The following PCNX1 variants were observed in gnomAD, a reference collection of about 807,000 sequenced individuals.
The protein encoded by PCNX1 is pecanex 1, also known as pecanex-like protein 1.
In PCNX1, 78 loss-of-function variants were observed where a neutral mutation model predicts 242.2. The ratio of observed to expected loss-of-function variants is 0.32; its 90% CI spans 0.27 to 0.39. PCNX1 has a LOEUF of 0.39. Ranked by LOEUF, PCNX1 falls within the 10% of genes least tolerant of loss-of-function variation. The pLI, the probability that PCNX1 is intolerant of heterozygous loss-of-function variation, is 1.00. For missense variants in PCNX1, 2,581 were observed against 2,856.5 expected (o/e 0.90, Z 2.20); for synonymous variants, 1,024 against 1,032.9 (o/e 0.99, Z 0.17).
At chr14:71,009,061 T>A (rs569419324) in intron 8 of PCNX1, among the ~76,000 whole-genome samples, 1 of 152,352 alleles carries the variant, frequency 6.6e-6, no homozygotes, top group East Asian at 1.9e-4. Flanking sequence ...GTTTCTAAAT[T>A]TTTCATAGCG....
intron 11 of PCNX1, among the ~76,000 whole-genome samples, chr14:71,015,752 CAAT>C (rs1468697347): frequency 6.6e-6 from 1 of 150,572 alleles, no homozygotes; most frequent in Non-Finnish European, 1.5e-5. Context: ...TACTGTTAAT[CAAT>C]AAGGTGGAAA....
intron 1 of PCNX1, 175 bp from the exon 2 acceptor site, chr14:70,946,740 G>A (rs1428125026): frequency 1.8e-6 from 1 of 569,984 alleles, no homozygotes; most frequent in African/African-American, 1.9e-5. Flanking sequence ...GTAGCCACAT[G>A]TAGCTAGTGT....
intron 1 of PCNX1, among the ~76,000 whole-genome samples, chr14:70,943,958 A>T (rs1337089425): frequency 6.6e-6 from 1 of 152,184 alleles, no homozygotes; most frequent in Non-Finnish European, 1.5e-5. Context: ...CCAAGAATTG[A>T]GGTTTGGGAA....
chr14:70,939,249 G>T (rs1416873322), intron 1 of PCNX1, among the ~76,000 whole-genome samples: 1 of 152,164 alleles, frequency 6.6e-6, no homozygotes, highest in African/African-American at 2.4e-5. Context: ...GATCTTTCCT[G>T]CTTTCTCTTC....
chr14:70,944,007 G>A (rs968584267), intron 1 of PCNX1, among the ~76,000 whole-genome samples: 2 of 152,218 alleles, frequency 1.3e-5, no homozygotes, highest in Non-Finnish European at 2.9e-5. Context: ...GAAGTGCCTG[G>A]ATGTCTGGGC....
intron 19 of PCNX1, among the ~76,000 whole-genome samples, chr14:71,037,405 G>A (rs1313311701): frequency 7.1e-6 from 1 of 141,204 alleles, no homozygotes; most frequent in Admixed American, 7.2e-5. Flanking sequence ...TGCCCATTCA[G>A]TATGATATTG....
chr14:71,099,231 T>C (rs1262922264), intron 30 of PCNX1, among the ~76,000 whole-genome samples: 2 of 151,046 alleles, frequency 1.3e-5, no homozygotes, highest in Middle Eastern at 3.4e-3. Flanking sequence ...TGATCTCGGC[T>C]CACTGCAAGC....
chr14:71,075,605 C>G (rs1260915120), intron 27 of PCNX1, among the ~76,000 whole-genome samples: 7 of 151,850 alleles, frequency 4.6e-5, no homozygotes, highest in Admixed American at 3.3e-4. Context: ...CTGTAAAATC[C>G]ATAGATTAGG....
At chr14:70,930,774 A>T (rs1365185293) in intron 1 of PCNX1, among the ~76,000 whole-genome samples, 3 of 151,686 alleles carry the variant, frequency 2.0e-5, no homozygotes, top group Admixed American at 6.6e-5. Flanking sequence ...GTAGAATATT[A>T]TGTTTTTTTT....
intron 1 of PCNX1, among the ~76,000 whole-genome samples, chr14:70,909,609 T>G (rs2055733299): frequency 6.6e-6 from 1 of 152,362 alleles, no homozygotes; most frequent in Non-Finnish European, 1.5e-5. Context: ...TTAACACTTG[T>G]AGTAAACTGT....
intron 1 of PCNX1, among the ~76,000 whole-genome samples, chr14:70,938,751 T>A (rs190497423): frequency 1.3e-5 from 2 of 152,328 alleles, no homozygotes; most frequent in Admixed American, 1.3e-4. Context: ...TGTGAATCCC[T>A]TTGGTCCTGG....
chr14:70,922,677 C>T (rs2056424064), intron 1 of PCNX1, among the ~76,000 whole-genome samples: 1 of 151,056 alleles, frequency 6.6e-6, no homozygotes, highest in Non-Finnish European at 1.5e-5. Flanking sequence ...GCATGTAACT[C>T]TTCTTCATTT....
rs2141961007 is a variant in PCNX1 at position 71,115,236 on chromosome 14, CTGAG to C, written c.*5304_*5307del. On this transcript the variant is annotated 3_prime_UTR_variant, in exon 36 of 36. Transcript: ENST00000304743. ...CGTGTGTCTGTGAGTGTGTGTGTGT[CTGAG>C]TGTTATTCTGAACAGCTTGTAAATA... 6.6e-6 allele frequency: 1 copy of C among 152,486 alleles called. No homozygotes were observed. Among genetic ancestry groups the C allele is most frequent in the African/African-American group, 2.4e-5 (1 of 41,480 alleles). The allele number at this position is 152,486 out of a possible 1,614,324, so 9.4% of individuals were successfully genotyped here.
At chr14:71,049,669 A>G (rs2060966454) in intron 22 of PCNX1, among the ~76,000 whole-genome samples, 1 of 152,216 alleles carries the variant, frequency 6.6e-6, no homozygotes, top group South Asian at 2.1e-4. Flanking sequence ...CGAGGATTGC[A>G]TAATTTTCAG....
intron 9 of PCNX1, chr14:71,009,932 T>C: frequency 2.5e-6 from 1 of 396,164 alleles, no homozygotes; most frequent in Non-Finnish European, 4.5e-6. Flanking sequence ...AAAATTAACA[T>C]GTATTATCTC....
chr14:71,028,879 C>T (rs2060307605), intron 16 of PCNX1, 88 bp downstream of exon 16: 3 of 704,868 alleles, frequency 4.3e-6, no homozygotes, highest in Non-Finnish European at 7.2e-6. Context: ...TGATTTCTTC[C>T]CCTGGTATCG....
intron 30 of PCNX1, among the ~76,000 whole-genome samples, chr14:71,095,199 T>C (rs2062242686): frequency 6.6e-6 from 1 of 152,238 alleles, no homozygotes; most frequent in Admixed American, 6.5e-5. Flanking sequence ...GATTACATAG[T>C]TATTAGAACT....
At chr14:71,012,658 C>A in intron 10 of PCNX1, 1 of 309,026 alleles carries the variant, frequency 3.2e-6, no homozygotes, top group South Asian at 2.8e-5. Flanking sequence ...GGTAAAATCC[C>A]GTCTCTACAA....
At chr14:70,946,372 A>G (rs1490559534) in intron 1 of PCNX1, among the ~76,000 whole-genome samples, 1 of 152,214 alleles carries the variant, frequency 6.6e-6, no homozygotes, top group Admixed American at 6.5e-5. Context: ...ATAAAGAGGC[A>G]TTATATTTGG....
Sources: gnomAD v4.1 joint callset for allele counts (sites outside exome capture counted in the v4.1 genomes callset) on GRCh38, gnomAD v4.1.1 for gene constraint, MANE v1.5 for transcripts, NCBI Gene and HGNC (gene_info 2026-07-23, HGNC 2026-07-21) for gene names.